The following DLG2 variants were observed in gnomAD, a reference collection of about 807,000 sequenced individuals.
The protein encoded by DLG2 is discs large MAGUK scaffold protein 2.
In DLG2, 45 loss-of-function variants were observed where a neutral mutation model predicts 132.5. The observed-to-expected ratio is 0.34, with a 90% CI of 0.27 to 0.44. DLG2 has a LOEUF of 0.44. Ranked by LOEUF, DLG2 falls within the 20% of genes least tolerant of loss-of-function variation. The pLI is 1.00. For missense variants in DLG2, 1,045 were observed against 1,196.9 expected (o/e 0.87, Z 1.87); for synonymous variants, 424 against 419.6 (o/e 1.01, Z -0.13).
chr11:83,663,131 AAT>A (rs1471024590), intron 18 of DLG2, among the ~76,000 whole-genome samples: 1 of 152,210 alleles, frequency 6.6e-6, no homozygotes, highest in African/African-American at 2.4e-5. Context: ...ATGTTCAATA[AAT>A]ATATGTTAAA....
intron 7 of DLG2, among the ~76,000 whole-genome samples, chr11:84,502,283 TTTC>T: frequency 2.9e-4 from 1 of 3,460 alleles, no homozygotes; most frequent in South Asian, 0.015. Context: ...TCCTTCCTTC[TTTC>T]TTTCTTTCTT....
chr11:84,534,488 A>G, intron 7 of DLG2, 82 bp downstream of exon 7: 1 of 1,408,362 alleles, frequency 7.1e-7, no homozygotes, highest in South Asian at 1.2e-5. Context: ...GCCTCATTTA[A>G]TCGGGCCAGC....
intron 21 of DLG2, among the ~76,000 whole-genome samples, chr11:83,505,223 T>G (rs1330142135): frequency 6.6e-6 from 1 of 152,188 alleles, no homozygotes; most frequent in Non-Finnish European, 1.5e-5. Flanking sequence ...TGCCACCAGG[T>G]AGCTGGCTGA....
chr11:83,743,429 A>C (rs1487940612), intron 18 of DLG2, among the ~76,000 whole-genome samples: 6 of 103,836 alleles, frequency 5.8e-5, no homozygotes, highest in African/African-American at 2.9e-4. Flanking sequence ...TGGGCAGGCC[A>C]TTTTTTTTTT....
At chr11:83,584,012 C>G (rs1312571985) in intron 19 of DLG2, among the ~76,000 whole-genome samples, 1 of 152,104 alleles carries the variant, frequency 6.6e-6, no homozygotes, top group African/African-American at 2.4e-5. Flanking sequence ...GAAAGTGTAT[C>G]CAATGAAAGG....
intron 22 of DLG2, among the ~76,000 whole-genome samples, chr11:83,483,453 A>T (rs1212624508): frequency 6.6e-6 from 1 of 151,854 alleles, no homozygotes; most frequent in Non-Finnish European, 1.5e-5. Context: ...AAAAACTTTC[A>T]CCCCAAACTC....
intron 7 of DLG2, among the ~76,000 whole-genome samples, chr11:84,300,143 C>A (rs1384243049): frequency 6.6e-6 from 1 of 152,018 alleles, no homozygotes; most frequent in African/African-American, 2.4e-5. Context: ...TGTAAACATA[C>A]TAAAATAGGA....
chr11:85,147,234 T>G (rs1383981111), intron 5 of DLG2, among the ~76,000 whole-genome samples: 1 of 152,184 alleles, frequency 6.6e-6, no homozygotes, highest in Non-Finnish European at 1.5e-5. Flanking sequence ...AGATAGTTAT[T>G]CAATTTGGTG....
At chr11:83,926,376 T>C (rs1160936430) in intron 15 of DLG2, among the ~76,000 whole-genome samples, 2 of 152,172 alleles carry the variant, frequency 1.3e-5, no homozygotes, top group Admixed American at 6.5e-5. Flanking sequence ...ATAACTGCTA[T>C]ATCAATATGG....
At chr11:83,668,413 T>C (rs749856299) in intron 18 of DLG2, among the ~76,000 whole-genome samples, 6 of 152,176 alleles carry the variant, frequency 3.9e-5, no homozygotes, top group Non-Finnish European at 8.8e-5. Context: ...CTCCATACTT[T>C]TGTATAGGCT....
At chr11:83,652,532 G>A (rs2070899289) in intron 18 of DLG2, among the ~76,000 whole-genome samples, 1 of 152,040 alleles carries the variant, frequency 6.6e-6, no homozygotes, top group Admixed American at 6.6e-5. Context: ...CACCACACCT[G>A]GCTAATTTTT....
intron 21 of DLG2, among the ~76,000 whole-genome samples, chr11:83,515,028 G>A (rs2095238671): frequency 6.6e-6 from 1 of 152,248 alleles, no homozygotes; most frequent in South Asian, 2.1e-4. Context: ...GTATCAGGAT[G>A]ATGCTGGCCT....
At chr11:85,381,538 C>G (rs2085890011) in intron 3 of DLG2, among the ~76,000 whole-genome samples, 1 of 151,356 alleles carries the variant, frequency 6.6e-6, no homozygotes, top group African/African-American at 2.4e-5. Flanking sequence ...GTCATCTAGA[C>G]TGAAAAGGAA....
At chr11:83,851,189 A>G (rs1019511742) in intron 16 of DLG2, among the ~76,000 whole-genome samples, 2 of 151,930 alleles carry the variant, frequency 1.3e-5, no homozygotes, top group African/African-American at 4.8e-5. Context: ...AAAAAAAAAA[A>G]AAGAATTTTT....
chr11:85,082,103 C>T (rs556692810), intron 6 of DLG2, among the ~76,000 whole-genome samples: 2 of 152,090 alleles, frequency 1.3e-5, no homozygotes, highest in African/African-American at 4.8e-5. Context: ...CTGATAACTC[C>T]CAGATATACA....
At chr11:84,738,366 A>C (rs1484410540) in intron 6 of DLG2, among the ~76,000 whole-genome samples, 6 of 152,030 alleles carry the variant, frequency 3.9e-5, no homozygotes, top group Admixed American at 2.6e-4. Flanking sequence ...AGTTGGTGCC[A>C]GAGAGGCAGC....
intron 17 of DLG2, among the ~76,000 whole-genome samples, chr11:83,806,488 A>G: frequency 6.6e-6 from 1 of 152,170 alleles, no homozygotes; most frequent in Non-Finnish European, 1.5e-5. Flanking sequence ...AAAAACATTC[A>G]TGTTTACCTC....
At chr11:85,313,430 A>C (rs527647566) in intron 3 of DLG2, among the ~76,000 whole-genome samples, 86 of 152,182 alleles carry the variant, frequency 5.7e-4, no homozygotes, top group Non-Finnish European at 9.9e-4. Flanking sequence ...ATAGTAGCTA[A>C]TGTTAACAAA....
intron 18 of DLG2, among the ~76,000 whole-genome samples, chr11:83,772,111 T>G (rs955517494): frequency 6.6e-6 from 1 of 152,106 alleles, no homozygotes; most frequent in Non-Finnish European, 1.5e-5. Flanking sequence ...ATAGTCACAT[T>G]GAAAGAAAAA....
Sources: allele counts gnomAD v4.1 joint callset (sites outside exome capture counted in the v4.1 genomes callset), GRCh38; gene constraint gnomAD v4.1.1; transcripts MANE v1.5; gene names NCBI Gene and HGNC (gene_info 2026-07-23, HGNC 2026-07-21).